The following NRG1 variants were observed in gnomAD, a reference collection of about 807,000 sequenced individuals.
NRG1 encodes pro-neuregulin-1, membrane-bound isoform.
A neutral mutation model predicts 63.8 loss-of-function variants in NRG1; 18 were observed. The ratio of observed to expected loss-of-function variants is 0.28; its 90% CI spans 0.19 to 0.42. The LOEUF is 0.42. Among genes scored for constraint, NRG1 ranks in the 10% least tolerant of loss-of-function variants. NRG1 has a pLI of 1.00. For synonymous variants in NRG1, 302 were observed against 301.3 expected, an observed-to-expected ratio of 1.00 and a Z score of -0.02; for missense variants, 762 against 814.7, an observed-to-expected ratio of 0.94 and a Z score of 0.79.
At chr8:32,341,555 C>T (rs1804078745) in intron 1 of NRG1, among the ~76,000 whole-genome samples, 1 of 152,172 alleles carries the variant, frequency 6.6e-6, no homozygotes, top group Non-Finnish European at 1.5e-5. Context: ...AGGGATTACA[C>T]CAAAGGAGCA....
At position 32,144,126 on chromosome 8, in the gene NRG1, C is replaced by CACACAGAG. The variant is rs528853530; in HGVS notation, c.38-451701_38-451694dup. ...GCAGTGGAGACAGGGTGGCCCTTAT[C>CACACAGAG]ACACAGAGGCATCTGGAGACTGAGA... On this transcript the variant is annotated intron_variant, in intron 1 of 10. Transcript: ENST00000519301. Among the ~76,000 whole-genome samples the CACACAGAG allele has an allele frequency of 1.3e-3, 199 of 152,306 alleles. 1 individual carries two copies. Among genetic ancestry groups the CACACAGAG allele is most frequent in the African/African-American group, 4.6e-3 (190 of 41,554 alleles).
chr8:32,582,069 C>CTTATTTTATTTTATTTTATTTTATTT (rs148113315), intron 1 of NRG1, among the ~76,000 whole-genome samples: 4 of 145,244 alleles, frequency 2.8e-5, no homozygotes, highest in East Asian at 2.0e-4. Context: ...ACCATGAACT[C>CTTATTTTATTTTATTTTATTTTATTT]TATTTTATTT....
At chr8:31,853,286 T>A (rs1337798402) in intron 1 of NRG1, among the ~76,000 whole-genome samples, 2 of 151,532 alleles carry the variant, frequency 1.3e-5, no homozygotes, top group East Asian at 3.9e-4. Context: ...TTTTATTTCC[T>A]TGAGCAGTGG....
chr8:32,377,317 A>G (rs748055495), intron 1 of NRG1, among the ~76,000 whole-genome samples: 1 of 152,254 alleles, frequency 6.6e-6, no homozygotes, highest in Non-Finnish European at 1.5e-5. Flanking sequence ...ATTTTCAACC[A>G]GAGCTAACAT....
At chr8:32,070,882 T>C (rs1825660855) in intron 1 of NRG1, among the ~76,000 whole-genome samples, 1 of 152,208 alleles carries the variant, frequency 6.6e-6, no homozygotes, top group Non-Finnish European at 1.5e-5. Flanking sequence ...TTCTCTTCCA[T>C]GTCTTCTGGT....
intron 1 of NRG1, among the ~76,000 whole-genome samples, chr8:31,689,601 G>GCTTTATTT (rs1187449653): frequency 2.6e-5 from 4 of 152,006 alleles, no homozygotes; most frequent in Non-Finnish European, 1.5e-5. Flanking sequence ...TGTAATCATT[G>GCTTTATTT]CTTTATTTCT....
chr8:31,967,159 A>G (rs1450484727), intron 1 of NRG1, among the ~76,000 whole-genome samples: 2 of 152,172 alleles, frequency 1.3e-5, no homozygotes. Context: ...CCAAATAGTT[A>G]AAAAGGCATT....
At chr8:31,830,636 G>A (rs1277835490) in intron 1 of NRG1, among the ~76,000 whole-genome samples, 1 of 151,934 alleles carries the variant, frequency 6.6e-6, no homozygotes, top group Non-Finnish European at 1.5e-5. Flanking sequence ...CCTGGCCTTG[G>A]CTCTATTCTC....
At position 31,947,306 on chromosome 8, in the gene NRG1, C is replaced by CAAAAAAAAAAAAAA. The variant is rs61713691; in HGVS notation, c.37+307888_37+307901dup. On this transcript the variant is annotated intron_variant, in intron 1 of 10. Transcript: ENST00000519301. ...TGGGCGACAGAGTGAGACTCCGTCT[C>CAAAAAAAAAAAAAA]AAAAAAAAAAAAAAAAAAAAAAAAA... 2.9e-4 allele frequency among the ~76,000 whole-genome samples: 39 copies of CAAAAAAAAAAAAAA among 132,682 alleles called. 1 individual carries two copies. The highest frequency in any genetic ancestry group is 1.2e-3 in the African/African-American group (38 of 31,118). 87.0% of individuals were successfully genotyped at this position (132,682 alleles called of 152,430 possible). A position where few individuals can be genotyped will look rare whatever the true frequency, so the allele number is the denominator to read the frequency against.
At chr8:32,539,183 G>T (rs1832328353) in intron 1 of NRG1, among the ~76,000 whole-genome samples, 1 of 152,180 alleles carries the variant, frequency 6.6e-6, no homozygotes, top group Non-Finnish European at 1.5e-5. Context: ...AAAGGACCTG[G>T]CTGCCCTCTA....
At chr8:31,959,531 C>G (rs191964120) in intron 1 of NRG1, among the ~76,000 whole-genome samples, 51 of 152,136 alleles carry the variant, frequency 3.4e-4, no homozygotes, top group African/African-American at 8.7e-4. Context: ...CACAGGAGAA[C>G]GTAAGACCAG....
chr8:31,989,789 C>A (rs1423870026), intron 1 of NRG1, among the ~76,000 whole-genome samples: 1 of 152,070 alleles, frequency 6.6e-6, no homozygotes, highest in African/African-American at 2.4e-5. Flanking sequence ...CCAGGACGTG[C>A]CAATGAAGTT....
chr8:32,668,056 T>C (rs2017212), intron 5 of NRG1, among the ~76,000 whole-genome samples: 7,718 of 151,920 alleles, frequency 0.051, 648 homozygotes, highest in East Asian at 0.38. Context: ...CTGCTAAAGA[T>C]ACAAAAATTA....
At chr8:32,247,870 AAGAGTAG>A (rs1160502372) in intron 1 of NRG1, among the ~76,000 whole-genome samples, 7 of 152,152 alleles carry the variant, frequency 4.6e-5, no homozygotes, top group African/African-American at 1.4e-4. Context: ...AAATATTATT[AAGAGTAG>A]ACTAAGAAGT....
chr8:32,492,924 T>C (rs2129495069), intron 1 of NRG1, among the ~76,000 whole-genome samples: 1 of 152,268 alleles, frequency 6.6e-6, no homozygotes, highest in Non-Finnish European at 1.5e-5. Context: ...CAAGAATTGT[T>C]TGAAATATTT....
chr8:31,749,277 A>G (rs182603303), intron 1 of NRG1, among the ~76,000 whole-genome samples: 4 of 152,016 alleles, frequency 2.6e-5, no homozygotes, highest in Admixed American at 2.6e-4. Flanking sequence ...TCCGTTTTCT[A>G]ATGTATTAGT....
chr8:32,446,969 G>A (rs904040927), intron 1 of NRG1, among the ~76,000 whole-genome samples: 2 of 151,544 alleles, frequency 1.3e-5, no homozygotes, highest in African/African-American at 4.8e-5. Context: ...CATACCCAAG[G>A]ACATTTAGCG....
chr8:31,717,648 C>T (rs961867792), intron 1 of NRG1, among the ~76,000 whole-genome samples: 7 of 152,052 alleles, frequency 4.6e-5, no homozygotes, highest in African/African-American at 1.2e-4. Context: ...ACAGAACTCA[C>T]GGCTTTATAT....
At chr8:32,280,695 T>TG (rs1852641046) in intron 1 of NRG1, among the ~76,000 whole-genome samples, 1 of 120,276 alleles carries the variant, frequency 8.3e-6, no homozygotes, top group Admixed American at 8.1e-5. Flanking sequence ...TTTTTTGTTT[T>TG]TTTTTTTTTT....
Sources: gnomAD v4.1 joint callset for allele counts (sites outside exome capture counted in the v4.1 genomes callset) on GRCh38, gnomAD v4.1.1 for gene constraint, MANE v1.5 for transcripts, NCBI Gene and HGNC (gene_info 2026-07-23, HGNC 2026-07-21) for gene names.